The following ZSWIM5 variants were observed in gnomAD, a reference collection of about 807,000 sequenced individuals.
The protein encoded by ZSWIM5 is zinc finger SWIM-type containing 5.
Under a neutral mutation model 119.6 loss-of-function variants are expected in ZSWIM5, and 55 were observed. The observed-to-expected ratio is 0.46, with a 90% CI of 0.37 to 0.58. The LOEUF is 0.58. Among genes scored for constraint, ZSWIM5 ranks in the 20% least tolerant of loss-of-function variants. The pLI is 0.00. For synonymous variants in ZSWIM5, 537 were observed against 606.9 expected (o/e 0.88, Z 1.69); for missense variants, 1,193 against 1,512.8 (o/e 0.79, Z 3.51).
Position 45,017,840 on chromosome 1 carries a change from T to TG in ZSWIM5, c.*613dup, listed in dbSNP as rs1644864332. The TG allele has an allele frequency of 6.5e-6, 1 of 154,704 alleles. No homozygotes were observed. The highest frequency in any genetic ancestry group is 6.3e-5 in the Admixed American group (1 of 15,842). The allele number at this position is 154,704 out of a possible 1,614,324, so 9.6% of individuals were successfully genotyped here. ...GGACTATAAATGCCCTGTCTGTAGGTGGGGGATTCTGCATAGACTAGACTT... is the reference window on the plus strand; with the variant it reads ...GGACTATAAATGCCCTGTCTGTAGGTGGGGGGATTCTGCATAGACTAGACTT... On this transcript the variant is annotated 3_prime_UTR_variant, in exon 14 of 14. Coordinates refer to ENST00000359600, the MANE Select transcript of ZSWIM5 (RefSeq NM_020883.2).
intron 10 of ZSWIM5, among the ~76,000 whole-genome samples, chr1:45,034,839 T>A (rs1317342867): frequency 1.3e-5 from 2 of 152,184 alleles, no homozygotes; most frequent in Non-Finnish European, 1.5e-5. Flanking sequence ...TGGAGTGTAG[T>A]GGCATAATCA....
chr1:45,034,495 GC>G, intron 10 of ZSWIM5, 26 bp from the exon 11 acceptor site: 1 of 1,582,618 alleles, frequency 6.3e-7, no homozygotes. Flanking sequence ...AGAATCATCA[GC>G]CACCATCCAG....
At chr1:45,097,209 G>C (rs1645408599) in intron 1 of ZSWIM5, among the ~76,000 whole-genome samples, 2 of 152,190 alleles carry the variant, frequency 1.3e-5, no homozygotes. Flanking sequence ...CAGCATTAAG[G>C]CTGGGGAATC....
chr1:45,139,044 G>A lies in ZSWIM5; in HGVS notation c.596-50807C>T, dbSNP rs951597485. 4.1e-4 allele frequency among the ~76,000 whole-genome samples: 62 copies of A among 151,768 alleles called. 1 individual carries two copies. The highest frequency in any genetic ancestry group is 5.9e-5 in the Non-Finnish European group (4 of 67,944). ...TTACAGGCACCTGCCACCATGCCCG[G>A]CTAATTTTTGTATTTTTAGTAGAGA... On this transcript the variant is annotated intron_variant, in intron 1 of 13. Coordinates refer to ENST00000359600, the MANE Select transcript of ZSWIM5 (RefSeq NM_020883.2).
At chr1:45,158,130 T>C (rs751641492) in intron 1 of ZSWIM5, among the ~76,000 whole-genome samples, 1 of 152,198 alleles carries the variant, frequency 6.6e-6, no homozygotes, top group Non-Finnish European at 1.5e-5. Flanking sequence ...CTGAACTACA[T>C]ATATTTTGTA....
Position 45,206,390 on chromosome 1 carries a change from C to G in ZSWIM5, c.-40G>C. ...TGACTGACTGAGGCGGCGGCGGCTGCTCGGGCTGCGGCGGAGACCCTGGCC... is the reference window on the plus strand; with the variant it reads ...TGACTGACTGAGGCGGCGGCGGCTGGTCGGGCTGCGGCGGAGACCCTGGCC... On this transcript the variant is annotated 5_prime_UTR_variant, in exon 1 of 14. Transcript: ENST00000359600. 7.4e-7 allele frequency: 1 copy of G among 1,353,850 alleles called. No individual in the cohort carries two copies. Among genetic ancestry groups the G allele is most frequent in the East Asian group, 3.1e-5 (1 of 32,292 alleles). 83.9% of individuals were successfully genotyped at this position (1,353,850 alleles called of 1,614,324 possible).
intron 1 of ZSWIM5, among the ~76,000 whole-genome samples, chr1:45,154,797 A>C (rs1645817650): frequency 1.3e-5 from 2 of 152,118 alleles, no homozygotes; most frequent in Non-Finnish European, 1.5e-5. Flanking sequence ...CAGGAGAATC[A>C]CTTGCATCCA....
At chr1:45,056,858 T>C (rs896424600) in intron 4 of ZSWIM5, among the ~76,000 whole-genome samples, 10 of 152,100 alleles carry the variant, frequency 6.6e-5, no homozygotes, top group African/African-American at 2.4e-4. Context: ...TTAGTAGATT[T>C]GTAGGTGGGG....
intron 1 of ZSWIM5, among the ~76,000 whole-genome samples, chr1:45,134,784 T>C (rs996592411): frequency 1.2e-4 from 18 of 152,212 alleles, no homozygotes; most frequent in Admixed American, 6.5e-4. Context: ...ACACCTGTAA[T>C]GGCCAGCCAC....
chr1:45,182,264 C>T (rs1004121848), intron 1 of ZSWIM5, among the ~76,000 whole-genome samples: 84 of 152,114 alleles, frequency 5.5e-4, no homozygotes, highest in Non-Finnish European at 7.2e-4. Flanking sequence ...ATTAGCCGGG[C>T]GCAGTGGCTG....
intron 1 of ZSWIM5, among the ~76,000 whole-genome samples, chr1:45,097,870 G>A (rs1645412554): frequency 6.6e-6 from 1 of 152,034 alleles, no homozygotes; most frequent in Admixed American, 6.6e-5. Context: ...CCCGGCTATT[G>A]AGTTCTAATT....
chr1:45,039,215 A>G, intron 7 of ZSWIM5, 142 bp from the exon 8 acceptor site: 7 of 1,052,802 alleles, frequency 6.6e-6, no homozygotes, highest in African/African-American at 1.6e-5. Context: ...TTGGGTTGAT[A>G]CGGCTGGCCA....
intron 5 of ZSWIM5, 113 bp from the exon 6 acceptor site, chr1:45,043,508 TC>T: frequency 9.7e-7 from 1 of 1,034,114 alleles, no homozygotes; most frequent in Non-Finnish European, 1.4e-6. Context: ...AAAGAATAAC[TC>T]TGGCAGCAGT....
rs1161989878 is a variant in ZSWIM5, at chr1:45,018,299, G to C, written c.*155C>G. On this transcript the variant is annotated 3_prime_UTR_variant, in exon 14 of 14. Coordinates refer to ENST00000359600, the MANE Select transcript of ZSWIM5 (RefSeq NM_020883.2). This position sits in a 1 kb window ranked among gnomAD's most constrained non-coding sequence, Gnocchi z 6.7. ...TTGCCAAGGTAGGCATTATCGACTA[G>C]AGCTGGACTTTCCCCATCCTTAGCC... 4 of 915,314 alleles carry C rather than the reference G, an allele frequency of 4.4e-6. No homozygotes were observed. Among genetic ancestry groups the C allele is most frequent in the Admixed American group, 5.7e-5 (2 of 35,162 alleles). 56.7% of individuals were successfully genotyped at this position (915,314 alleles called of 1,614,324 possible). A position where few individuals can be genotyped will look rare whatever the true frequency, so the allele number is the denominator to read the frequency against.
At chr1:45,142,206 G>A (rs955942315) in intron 1 of ZSWIM5, among the ~76,000 whole-genome samples, 1 of 152,066 alleles carries the variant, frequency 6.6e-6, no homozygotes, top group Non-Finnish European at 1.5e-5. Flanking sequence ...GTGAGGCCCT[G>A]TCTCAAAAAA....
At chr1:45,191,801 C>T (rs1367309919) in intron 1 of ZSWIM5, among the ~76,000 whole-genome samples, 1 of 152,150 alleles carries the variant, frequency 6.6e-6, no homozygotes, top group African/African-American at 2.4e-5. Flanking sequence ...TGAAGGTTTT[C>T]CTTTCCTTTT....
intron 11 of ZSWIM5, among the ~76,000 whole-genome samples, chr1:45,024,196 T>TC (rs1342198071): frequency 3.4e-5 from 5 of 148,450 alleles, no homozygotes; most frequent in African/African-American, 1.2e-4. Context: ...TCTTTTCTTT[T>TC]TTTTTTTTTT....
intron 11 of ZSWIM5, among the ~76,000 whole-genome samples, chr1:45,026,823 C>T (rs1391924840): frequency 6.6e-6 from 1 of 152,136 alleles, no homozygotes; most frequent in East Asian, 1.9e-4. Flanking sequence ...TGGTAGAACT[C>T]ACCAGTGAAA....
chr1:45,120,573 C>T (rs975294428), intron 1 of ZSWIM5, among the ~76,000 whole-genome samples: 2 of 152,044 alleles, frequency 1.3e-5, no homozygotes, highest in African/African-American at 4.8e-5. Context: ...AAGCAGTCCT[C>T]CTGCCTCAGC....
Sources: gnomAD v4.1 joint callset for allele counts (sites outside exome capture counted in the v4.1 genomes callset) on GRCh38, gnomAD v4.1.1 for gene constraint, Gnocchi (gnomAD v3.1) non-coding constraint, MANE v1.5 for transcripts, NCBI Gene and HGNC (gene_info 2026-07-23, HGNC 2026-07-21) for gene names.